Variants in EIF5B observed in about 807,000 individuals in gnomAD.
EIF5B encodes eIF-5B.
EIF5B carries 47 observed loss-of-function variants against 147.5 expected under a neutral mutation model. That is an observed-to-expected ratio of 0.32 (90% confidence interval 0.25 to 0.41). The LOEUF (loss-of-function observed/expected upper bound fraction) is 0.41, where lower values mean the gene tolerates loss of function less well. Ranked by LOEUF, EIF5B falls within the 10% of genes least tolerant of loss-of-function variation. The pLI is 1.00. For synonymous variants in EIF5B, 455 were observed against 456.2 expected (o/e 1.00, Z 0.03); for missense variants, 1,064 against 1,413.2 (o/e 0.75, Z 3.96).
At chr2:99,362,207 C>A (rs1002023571) in intron 4 of EIF5B, among the ~76,000 whole-genome samples, 1 of 152,102 alleles carries the variant, frequency 6.6e-6, no homozygotes, top group African/African-American at 2.4e-5. Flanking sequence ...ATGAAATTCA[C>A]AAAGAAATGT....
intron 14 of EIF5B, among the ~76,000 whole-genome samples, chr2:99,386,759 TG>T (rs1432640302): frequency 6.6e-6 from 1 of 152,042 alleles, no homozygotes; most frequent in East Asian, 1.9e-4. Context: ...ATGGCCAGGC[TG>T]GTCTCAAACT....
intron 17 of EIF5B, 32 bp downstream of exon 17, chr2:99,390,737 G>A: frequency 6.3e-7 from 1 of 1,580,528 alleles, no homozygotes; most frequent in Non-Finnish European, 8.6e-7. Context: ...TGACACGTGG[G>A]GACTTGTACA....
Position 99,361,410 on chromosome 2 carries a change from A to G in EIF5B, c.509A>G (p.Asn170Ser). The change falls in exon 4 of 24, where the codon AAC becomes AGC. Residue 170 changes from asparagine to serine, a missense_variant. By Grantham distance (46) the Asn-to-Ser change is conservative. Around this residue, in one of 4 missense-constraint regions of EIF5B, gnomAD observed 458 missense variants for 451.3 expected, o/e 1.01. Transcript: ENST00000289371. The part of the protein sequence containing the change: ...KWDGSEEDED[N>S]SKKIKERSRI... ...GATGGGTCAGAGGAGGATGAGGATAACAGTAAAAAAATTAAAGAGCGTTCA... is the reference window on the plus strand; with the variant it reads ...GATGGGTCAGAGGAGGATGAGGATAGCAGTAAAAAAATTAAAGAGCGTTCA... 1.9e-6 allele frequency: 3 copies of G among 1,613,966 alleles called. No individual in the cohort carries two copies. Among genetic ancestry groups the G allele is most frequent in the Non-Finnish European group, 2.5e-6 (3 of 1,180,022 alleles).
At chr2:99,372,816 T>G (rs1674479800) in intron 9 of EIF5B, among the ~76,000 whole-genome samples, 1 of 152,232 alleles carries the variant, frequency 6.6e-6, no homozygotes, top group Non-Finnish European at 1.5e-5. Flanking sequence ...TCTGCAGTAG[T>G]TGGATGCCTT....
intron 1 of EIF5B, among the ~76,000 whole-genome samples, chr2:99,346,862 G>A (rs569276492): frequency 6.6e-5 from 10 of 151,764 alleles, no homozygotes; most frequent in African/African-American, 1.9e-4. Flanking sequence ...GAGCCACTGC[G>A]CCTGGCCCAT....
intron 1 of EIF5B, chr2:99,340,729 T>G (rs2094257497): frequency 1.3e-5 from 2 of 152,320 alleles, no homozygotes; most frequent in South Asian, 4.1e-4. Context: ...AGAATTTTGC[T>G]TAAAGACCAA....
intron 9 of EIF5B, among the ~76,000 whole-genome samples, chr2:99,374,053 C>T (rs1674512012): frequency 6.6e-6 from 1 of 152,082 alleles, no homozygotes; most frequent in African/African-American, 2.4e-5. Context: ...CTCTGGGAGG[C>T]CGAGGTGGGC....
At chr2:99,387,432 A>G (rs972379868) in intron 14 of EIF5B, among the ~76,000 whole-genome samples, 2 of 152,028 alleles carry the variant, frequency 1.3e-5, no homozygotes, top group Non-Finnish European at 2.9e-5. Flanking sequence ...TTTTTTCCCC[A>G]TGGAATTAGT....
At chr2:99,364,879 AT>A (rs10707224) in intron 6 of EIF5B, among the ~76,000 whole-genome samples, 58,020 of 151,472 alleles carry the variant, frequency 0.38, 11,895 homozygotes, top group East Asian at 0.69. Context: ...ATTCATGACC[AT>A]TTTTTTTTAA....
At chr2:99,389,505 T>C (rs932062313) in intron 14 of EIF5B, 9 of 329,466 alleles carry the variant, frequency 2.7e-5, no homozygotes, top group Non-Finnish European at 3.3e-5. Flanking sequence ...TCATGGAGGC[T>C]GACAGGGGCA....
chr2:99,342,187 G>A (rs1334609767), intron 1 of EIF5B, among the ~76,000 whole-genome samples: 3 of 151,944 alleles, frequency 2.0e-5, no homozygotes, highest in Non-Finnish European at 4.4e-5. Context: ...GAAGACATCT[G>A]TGGGCATGTT....
intron 1 of EIF5B, among the ~76,000 whole-genome samples, chr2:99,355,917 T>C (rs1315113262): frequency 2.6e-5 from 4 of 152,152 alleles, no homozygotes. Context: ...CCGGCCTCCC[T>C]GCTCAGTTTT....
intron 22 of EIF5B, chr2:99,397,460 G>T (rs2104261139): frequency 1.3e-5 from 2 of 152,032 alleles, no homozygotes; most frequent in South Asian, 4.2e-4. Context: ...CTTGTTTTGT[G>T]GCTGAGCCTC....
chr2:99,381,055 T>G (rs1217718736), intron 12 of EIF5B, among the ~76,000 whole-genome samples: 2 of 152,248 alleles, frequency 1.3e-5, no homozygotes, highest in Non-Finnish European at 2.9e-5. Context: ...TTGATGTCGC[T>G]TCTGAGTTTT....
At chr2:99,343,014 G>T (rs1439246882) in intron 1 of EIF5B, among the ~76,000 whole-genome samples, 3 of 150,528 alleles carry the variant, frequency 2.0e-5, no homozygotes, top group African/African-American at 7.3e-5. Context: ...AGGCTGGAGT[G>T]CAGTGGCGTG....
At chr2:99,381,938 G>A (rs1232969940) in intron 12 of EIF5B, among the ~76,000 whole-genome samples, 14 of 152,084 alleles carry the variant, frequency 9.2e-5, no homozygotes, top group Admixed American at 9.2e-4. Context: ...CCTTAAGAAA[G>A]GAGATATTTT....
At chr2:99,340,037 G>A (rs1435353337) in intron 1 of EIF5B, among the ~76,000 whole-genome samples, 1 of 152,108 alleles carries the variant, frequency 6.6e-6, no homozygotes, top group Admixed American at 6.5e-5. Flanking sequence ...GATACATTTT[G>A]TGAGTGTGTG....
Position 99,385,336 on chromosome 2 carries a change from C to T in EIF5B, c.2271+2415C>T, listed in dbSNP as rs539096902. Among the ~76,000 whole-genome samples the T allele has an allele frequency of 2.3e-3, 346 of 152,288 alleles. 4 individuals carry two copies. The highest frequency in any genetic ancestry group is 8.1e-3 in the African/African-American group (337 of 41,564). On this transcript the variant is annotated intron_variant, in intron 14 of 23. Transcript: ENST00000289371. ...CTGGGATTACAGGCGTGAGCCACTG[C>T]GCCCAGCCAATGAATCTTTCATAAA... is the stretch of plus-strand genomic sequence containing the variant.
intron 4 of EIF5B, among the ~76,000 whole-genome samples, chr2:99,362,832 C>T (rs920125754): frequency 6.6e-6 from 1 of 151,850 alleles, no homozygotes; most frequent in Non-Finnish European, 1.5e-5. Context: ...GATCTCAGCT[C>T]ACTGCAACCT....
Sources: gnomAD v4.1 joint callset for allele counts (sites outside exome capture counted in the v4.1 genomes callset) on GRCh38, gnomAD v4.1.1 for gene constraint, gnomAD v4.1.1 regional missense constraint, MANE v1.5 for transcripts, NCBI Gene and HGNC (gene_info 2026-07-23, HGNC 2026-07-21) for gene names.